Variants in PLCL2 observed in about 807,000 individuals in gnomAD.
PLCL2 encodes inactive phospholipase C-like protein 2.
A neutral mutation model predicts 79.6 loss-of-function variants in PLCL2; 4 were observed. The ratio of observed to expected loss-of-function variants is 0.05; its 90% CI spans 0.02 to 0.11. The LOEUF is 0.11. Ranked by LOEUF, PLCL2 falls within the 10% of genes least tolerant of loss-of-function variation. The pLI is 1.00. For missense variants in PLCL2, 895 were observed against 1,291.0 expected, an observed-to-expected ratio of 0.69 and a Z score of 4.70; for synonymous variants, 484 against 457.7, an observed-to-expected ratio of 1.06 and a Z score of -0.73.
At chr3:16,926,777 A>G (rs1575532641) in intron 1 of PLCL2, among the ~76,000 whole-genome samples, 1 of 151,754 alleles carries the variant, frequency 6.6e-6, no homozygotes, top group South Asian at 2.1e-4. Flanking sequence ...GACTACAGGC[A>G]CCCGCCACCA....
chr3:17,034,923 C>G lies in PLCL2; in HGVS notation c.3019-7951C>G, dbSNP rs186409080. ...GTGGACTCACTCTCCCAGCACCTCT[C>G]TCTGTACACGCCTGTAAATGTTTAG... On this transcript the variant is annotated intron_variant, in intron 3 of 5. Transcript: ENST00000615277. 2.0e-3 allele frequency among the ~76,000 whole-genome samples: 310 copies of G among 152,140 alleles called. 1 individual carries two copies. The highest frequency in any genetic ancestry group is 5.8e-3 in the African/African-American group (239 of 41,486).
chr3:16,991,651 C>A (rs1440064085), intron 1 of PLCL2, among the ~76,000 whole-genome samples: 1 of 152,034 alleles, frequency 6.6e-6, no homozygotes, highest in Non-Finnish European at 1.5e-5. Flanking sequence ...GGATACAGGC[C>A]ATGGAGAGGG....
At chr3:16,971,526 A>G (rs1274160993) in intron 1 of PLCL2, among the ~76,000 whole-genome samples, 3 of 152,304 alleles carry the variant, frequency 2.0e-5, no homozygotes, top group South Asian at 2.1e-4. Context: ...TGACTTGGCA[A>G]TGCGGGCTCT....
At position 17,010,053 on chromosome 3, in the gene PLCL2, C is replaced by T. The variant is rs767142997; in HGVS notation, c.707C>T (p.Ala236Val). 1 of 1,612,876 alleles carries T rather than the reference C, an allele frequency of 6.2e-7. No individual in the cohort carries two copies. The highest frequency in any genetic ancestry group is 1.1e-5 in the South Asian group (1 of 91,074). Residue 236 changes from alanine to valine, a missense_variant, in exon 2 of 6, where the codon GCA becomes GTA. This residue lies in a region of PLCL2 where 129 missense variants were observed against 208.8 expected (regional missense o/e 0.62). Coordinates refer to ENST00000615277, the MANE Select transcript of PLCL2 (RefSeq NM_001144382.2). This position sits in a 1 kb window ranked among gnomAD's most constrained non-coding sequence, Gnocchi z 5.8. ...TCACTGGATTTGGTTGCCAACTCCG[C>T]AGATGTTGCAAACATCTGGGTTACA... ...YESLDLVANSADVANIWVTGL... is the reference protein window; with the variant it reads ...YESLDLVANSVDVANIWVTGL...
chr3:16,984,931 T>TAA (rs145166776), intron 1 of PLCL2, among the ~76,000 whole-genome samples: 6 of 149,036 alleles, frequency 4.0e-5, no homozygotes, highest in Admixed American at 6.7e-5. Context: ...GACTACGTCT[T>TAA]AAAAAAAAAA....
chr3:16,944,100 C>T (rs1488024205), intron 1 of PLCL2, among the ~76,000 whole-genome samples: 1 of 152,140 alleles, frequency 6.6e-6, no homozygotes, highest in African/African-American at 2.4e-5. Context: ...GCTGTGTGAC[C>T]TTGGGAAAAT....
At chr3:17,078,803 CCTTTT>C (rs2065133411) in intron 5 of PLCL2, among the ~76,000 whole-genome samples, 1 of 152,110 alleles carries the variant, frequency 6.6e-6, no homozygotes, top group African/African-American at 2.4e-5. Flanking sequence ...ATGTATGACT[CCTTTT>C]ATTGAGGCTC....
chr3:17,038,316 G>A (rs919728823), intron 3 of PLCL2, among the ~76,000 whole-genome samples: 7 of 152,182 alleles, frequency 4.6e-5, no homozygotes, highest in Non-Finnish European at 7.3e-5. Flanking sequence ...CATCCATGTG[G>A]CGAGTTACTC....
chr3:16,965,830 A>G (rs1228305243), intron 1 of PLCL2, among the ~76,000 whole-genome samples: 1 of 151,080 alleles, frequency 6.6e-6, no homozygotes, highest in South Asian at 2.1e-4. Flanking sequence ...TTTGTCTGTT[A>G]TTGGTGTATA....
chr3:17,050,478 G>A (rs1236219504), intron 4 of PLCL2, among the ~76,000 whole-genome samples: 1 of 152,122 alleles, frequency 6.6e-6, no homozygotes, highest in Non-Finnish European at 1.5e-5. Flanking sequence ...ATTTTAAAAT[G>A]GGCAAAATGT....
At chr3:17,079,019 A>G (rs1324070894) in intron 5 of PLCL2, among the ~76,000 whole-genome samples, 2 of 152,152 alleles carry the variant, frequency 1.3e-5, no homozygotes, top group Non-Finnish European at 2.9e-5. Flanking sequence ...AAAACCTCAA[A>G]CATTGGGACC....
chr3:17,003,679 A>G (rs1559514724), intron 1 of PLCL2, among the ~76,000 whole-genome samples: 2 of 152,156 alleles, frequency 1.3e-5, no homozygotes, highest in Non-Finnish European at 2.9e-5. Flanking sequence ...GTGGCAGCCA[A>G]ACTCTGCCTG....
chr3:17,027,505 C>T (rs1422011456), intron 3 of PLCL2, among the ~76,000 whole-genome samples: 1 of 152,170 alleles, frequency 6.6e-6, no homozygotes, highest in Non-Finnish European at 1.5e-5. Context: ...TACTGTCTGG[C>T]TCTGTACAGA....
chr3:17,088,454 A>T (rs1279704180), intron 5 of PLCL2, among the ~76,000 whole-genome samples: 2 of 152,154 alleles, frequency 1.3e-5, no homozygotes, highest in African/African-American at 2.4e-5. Flanking sequence ...AAGCAAGGAG[A>T]GTGAGAAAGA....
At chr3:17,041,352 T>G (rs2064719313) in intron 3 of PLCL2, among the ~76,000 whole-genome samples, 1 of 152,168 alleles carries the variant, frequency 6.6e-6, no homozygotes, top group Non-Finnish European at 1.5e-5. Context: ...ACACAGGGGC[T>G]GCCTGCAGTA....
At chr3:17,061,793 G>A (rs1017476448) in intron 4 of PLCL2, among the ~76,000 whole-genome samples, 1 of 152,048 alleles carries the variant, frequency 6.6e-6, no homozygotes, top group Non-Finnish European at 1.5e-5. Context: ...CATGATTTGG[G>A]CAGTCCTCAC....
chr3:17,000,740 CA>C (rs1156510352), intron 1 of PLCL2, among the ~76,000 whole-genome samples: 1 of 152,058 alleles, frequency 6.6e-6, no homozygotes, highest in African/African-American at 2.4e-5. Context: ...CATGTTGCTG[CA>C]AATGACAGTA....
intron 4 of PLCL2, among the ~76,000 whole-genome samples, chr3:17,065,771 C>T (rs1477792037): frequency 2.0e-5 from 3 of 152,082 alleles, no homozygotes; most frequent in African/African-American, 7.2e-5. Flanking sequence ...TGCATTTTTC[C>T]TCCCAGTTTC....
chr3:16,935,285 C>T (rs1697513101), intron 1 of PLCL2, among the ~76,000 whole-genome samples: 1 of 152,086 alleles, frequency 6.6e-6, no homozygotes. Context: ...AGCTCTATTA[C>T]TCTTTAGTTG....
Sources: allele counts gnomAD v4.1 joint callset (sites outside exome capture counted in the v4.1 genomes callset), GRCh38; gene constraint gnomAD v4.1.1; regional missense constraint gnomAD v4.1.1; non-coding constraint Gnocchi (gnomAD v3.1); transcripts MANE v1.5; gene names NCBI Gene and HGNC (gene_info 2026-07-23, HGNC 2026-07-21).